XIRP2: variants seen among roughly 807,000 people sequenced by gnomAD.
XIRP2 encodes xin actin-binding repeat-containing protein 2.
In XIRP2, 236 loss-of-function variants were observed where a neutral mutation model predicts 277.0. The observed-to-expected ratio is 0.85, with a 90% CI of 0.77 to 0.95. The LOEUF is 0.95. XIRP2 is among the 40% of genes least tolerant of loss of function. The pLI is 0.00. For missense variants in XIRP2, 4,640 were observed against 4,157.5 expected, an observed-to-expected ratio of 1.12 and a Z score of -3.19; for synonymous variants, 1,490 against 1,416.5, an observed-to-expected ratio of 1.05 and a Z score of -1.17.
intron 2 of XIRP2, among the ~76,000 whole-genome samples, chr2:167,018,839 C>G (rs971673715): frequency 6.6e-6 from 1 of 152,062 alleles, no homozygotes; most frequent in Admixed American, 6.6e-5. Flanking sequence ...CCTTCCCTTT[C>G]TCAGTATCCG....
At chr2:167,212,543 T>C (rs1694086158) in intron 4 of XIRP2, among the ~76,000 whole-genome samples, 1 of 152,032 alleles carries the variant, frequency 6.6e-6, no homozygotes. Context: ...TCAAAATGTC[T>C]ACATATAAAG....
intron 3 of XIRP2, among the ~76,000 whole-genome samples, chr2:167,183,696 A>G (rs1051713968): frequency 1.3e-5 from 2 of 152,002 alleles, no homozygotes; most frequent in Non-Finnish European, 1.5e-5. Flanking sequence ...TGATTATTTT[A>G]AAGTCCTTAT....
chr2:167,159,543 T>C (rs1660879298), intron 3 of XIRP2, among the ~76,000 whole-genome samples: 2 of 152,212 alleles, frequency 1.3e-5, no homozygotes, highest in South Asian at 2.1e-4. Context: ...TTGTGAGGCA[T>C]AAAACTTATA....
At chr2:166,903,949 A>G (rs945254808) in intron 2 of XIRP2, 59 bp downstream of exon 2, 1 of 1,546,182 alleles carries the variant, frequency 6.5e-7, no homozygotes, top group Non-Finnish European at 8.8e-7. Flanking sequence ...CTAGCCTACC[A>G]TTTATTACTA....
At chr2:167,252,102 A>G in intron 9 of XIRP2, 155 bp downstream of exon 9, 2 of 1,201,986 alleles carry the variant, frequency 1.7e-6, no homozygotes, top group Non-Finnish European at 2.2e-6. Flanking sequence ...GACTCTTTAT[A>G]TGCTTGCTTT....
intron 2 of XIRP2, among the ~76,000 whole-genome samples, chr2:167,024,253 TTGTC>T (rs1410545084): frequency 1.3e-5 from 2 of 152,164 alleles, no homozygotes; most frequent in African/African-American, 4.8e-5. Context: ...GGCTCTCTGT[TTGTC>T]TGTTATTGGT....
chr2:167,062,909 A>AT (rs141283841), intron 2 of XIRP2, among the ~76,000 whole-genome samples: 5,103 of 150,948 alleles, frequency 0.034, 96 homozygotes, highest in East Asian at 0.06. Flanking sequence ...GGGTTGATTG[A>AT]TTTTTTTCCT....
chr2:167,064,816 T>C (rs1689262214), intron 2 of XIRP2, among the ~76,000 whole-genome samples: 1 of 151,924 alleles, frequency 6.6e-6, no homozygotes, highest in Non-Finnish European at 1.5e-5. Flanking sequence ...TCATTCATGG[T>C]GTAGCATGTC....
At position 167,247,643 on chromosome 2, in the gene XIRP2, C is replaced by G. The variant is rs1695321328; in HGVS notation, c.6251C>G (p.Thr2084Ser). ...LRDEYMSRQL[T>S]STVSVKNNLT... ...GATGAATATATGAGCAGACAATTAACTTCAACTGTGTCAGTTAAGAATAAT... is the reference window on the plus strand; with the variant it reads ...GATGAATATATGAGCAGACAATTAAGTTCAACTGTGTCAGTTAAGAATAAT... Residue 2084 changes from threonine to serine, a missense_variant, in exon 9 of 11, where the codon ACT (threonine) becomes AGT (serine). Coordinates refer to ENST00000409195, the MANE Select transcript of XIRP2 (RefSeq NM_152381.6). The G allele has an allele frequency of 6.2e-7, 1 of 1,613,638 alleles. No individual in the cohort carries two copies. The highest frequency in any genetic ancestry group is 8.5e-7 in the Non-Finnish European group (1 of 1,179,744).
intron 2 of XIRP2, among the ~76,000 whole-genome samples, chr2:167,006,464 T>C (rs869000): frequency 0.15 from 22,684 of 151,724 alleles, 2,331 homozygotes; most frequent in East Asian, 0.45. Flanking sequence ...TTTTCAAGAC[T>C]GTTGTTGCCT....
intron 2 of XIRP2, among the ~76,000 whole-genome samples, chr2:166,985,555 C>T (rs898239896): frequency 6.6e-6 from 1 of 151,702 alleles, no homozygotes; most frequent in Admixed American, 6.6e-5. Context: ...CTCAGCCTCC[C>T]GAGTAGCTGG....
At chr2:167,190,553 A>G (rs1693299936) in intron 3 of XIRP2, among the ~76,000 whole-genome samples, 4 of 152,192 alleles carry the variant, frequency 2.6e-5, no homozygotes, top group South Asian at 2.1e-4. Context: ...CATGATACCT[A>G]TGAATTCCAG....
chr2:167,218,878 A>G (rs922536), intron 5 of XIRP2, among the ~76,000 whole-genome samples: 22,920 of 152,064 alleles, frequency 0.15, 2,138 homozygotes, highest in African/African-American at 0.27. Context: ...AAATACTGTC[A>G]TGAGATTTAG....
rs1687759557 is a variant in XIRP2 at position 167,014,159 on chromosome 2, C to T, written c.408+110269C>T. Among the ~76,000 whole-genome samples, 3 of 151,514 alleles carry T rather than the reference C, an allele frequency of 2.0e-5. No homozygotes were observed. In the Admixed American group the frequency reaches 2.0e-4, roughly 10 times the overall value. On this transcript the variant is annotated intron_variant, in intron 2 of 10. Transcript: ENST00000409195. Reference sequence around the variant, plus strand: ...ATTTCTTGTTCACTGCTAGTCCAGTCAGACTTCCCATCTAAGGAAACAGAA... The same window carrying T: ...ATTTCTTGTTCACTGCTAGTCCAGTTAGACTTCCCATCTAAGGAAACAGAA...
chr2:166,927,790 T>C (rs1351852658), intron 2 of XIRP2, among the ~76,000 whole-genome samples: 4 of 152,076 alleles, frequency 2.6e-5, no homozygotes, highest in Non-Finnish European at 5.9e-5. Flanking sequence ...TTGGTGGGGA[T>C]GTGTGTGTGG....
chr2:166,949,702 A>G (rs1299678814), intron 2 of XIRP2, among the ~76,000 whole-genome samples: 1 of 152,072 alleles, frequency 6.6e-6, no homozygotes, highest in Non-Finnish European at 1.5e-5. Flanking sequence ...TATTACTACA[A>G]ATTGGATGAG....
intron 5 of XIRP2, among the ~76,000 whole-genome samples, chr2:167,239,427 G>A (rs1332874868): frequency 6.6e-6 from 1 of 152,196 alleles, no homozygotes; most frequent in East Asian, 1.9e-4. Context: ...GCTTATCTGG[G>A]TTGGTCCAAT....
At chr2:166,966,214 CTT>C (rs1686428844) in intron 2 of XIRP2, among the ~76,000 whole-genome samples, 1 of 151,738 alleles carries the variant, frequency 6.6e-6, no homozygotes, top group Non-Finnish European at 1.5e-5. Flanking sequence ...TTTTTAAAAA[CTT>C]AATTTGCATT....
intron 5 of XIRP2, among the ~76,000 whole-genome samples, chr2:167,235,639 C>T (rs1694880786): frequency 6.6e-6 from 1 of 151,786 alleles, no homozygotes; most frequent in South Asian, 2.1e-4. Context: ...GCTAATATCA[C>T]AGGAATAGAA....
Sources: allele counts gnomAD v4.1 joint callset (sites outside exome capture counted in the v4.1 genomes callset), GRCh38; gene constraint gnomAD v4.1.1; transcripts MANE v1.5; gene names NCBI Gene and HGNC (gene_info 2026-07-23, HGNC 2026-07-21).